The following RELN variants were observed in gnomAD, a reference collection of about 807,000 sequenced individuals.
The protein encoded by RELN is reelin.
Under a neutral mutation model 427.6 loss-of-function variants are expected in RELN, and 108 were observed. The observed-to-expected ratio is 0.25, with a 90% CI of 0.22 to 0.30. RELN has a LOEUF of 0.30. Among genes scored for constraint, RELN ranks in the 10% least tolerant of loss-of-function variants. The pLI, the probability that RELN is intolerant of heterozygous loss-of-function variation, is 1.00. For synonymous variants in RELN, 1,524 were observed against 1,513.4 expected (o/e 1.01, Z -0.16); for missense variants, 3,715 against 4,302.8 (o/e 0.86, Z 3.82).
At chr7:103,495,978 G>GAGGAA in intron 56 of RELN, 80 bp from the exon 57 acceptor site, 40 of 1,422,198 alleles carry the variant, frequency 2.8e-5, no homozygotes, top group Non-Finnish European at 3.8e-5. Flanking sequence ...TTATTCTCTT[G>GAGGAA]AACTGACCGA....
chr7:103,633,155 A>G (rs985305322), intron 19 of RELN, among the ~76,000 whole-genome samples: 11 of 152,118 alleles, frequency 7.2e-5, no homozygotes, highest in Admixed American at 7.2e-4. Context: ...AAAATAGTTG[A>G]GGAATAATAG....
At chr7:103,732,396 G>C (rs1790376229) in intron 6 of RELN, among the ~76,000 whole-genome samples, 1 of 151,996 alleles carries the variant, frequency 6.6e-6, no homozygotes, top group Non-Finnish European at 1.5e-5. Flanking sequence ...TCATTTCTAT[G>C]CATGTTCTTA....
intron 11 of RELN, among the ~76,000 whole-genome samples, chr7:103,679,018 CTAGA>C (rs1215409128): frequency 6.6e-6 from 1 of 152,154 alleles, no homozygotes; most frequent in Non-Finnish European, 1.5e-5. Flanking sequence ...AGCTCTTACC[CTAGA>C]TAAACATGCT....
chr7:103,730,862 C>T (rs1348856059), intron 6 of RELN, among the ~76,000 whole-genome samples: 3 of 152,164 alleles, frequency 2.0e-5, no homozygotes, highest in Non-Finnish European at 1.5e-5. Context: ...CAAATCCAAC[C>T]CTCTCTTAGA....
At position 103,849,164 on chromosome 7, in the gene RELN, T is replaced by C. The variant is rs556898737; in HGVS notation, c.338-15492A>G. ...AATGAACATTAATTAGTTTGCATAA[T>C]ATTTGTAATCTCAGTCAAAGCAATG... On this transcript the variant is annotated intron_variant, in intron 2 of 64. Transcript: ENST00000428762. 3.9e-5 allele frequency among the ~76,000 whole-genome samples: 6 copies of C among 152,332 alleles called. No homozygotes were observed. The South Asian group carries it at 1.2e-3, about 32-fold the overall frequency.
At position 103,620,398 on chromosome 7, in the gene RELN, T is replaced by C. The variant is rs1832189955; in HGVS notation, c.2703-8595A>G. Among the ~76,000 whole-genome samples, 1 of 152,104 alleles carries C rather than the reference T, an allele frequency of 6.6e-6. No homozygotes were observed. Among genetic ancestry groups the C allele is most frequent in the Non-Finnish European group, 1.5e-5 (1 of 68,016 alleles). ...CGATCTCAGGCTATCCATAACTCCC[T>C]GACTCCTCTTTTTCTTATGTTGCAT... On this transcript the variant is annotated intron_variant, in intron 20 of 64. Transcript: ENST00000428762. This position sits in a 1 kb window ranked among gnomAD's most constrained non-coding sequence, Gnocchi z 4.1.
intron 11 of RELN, 66 bp downstream of exon 11, chr7:103,682,050 T>G: frequency 6.7e-7 from 1 of 1,495,562 alleles, no homozygotes; most frequent in Non-Finnish European, 9.3e-7. Flanking sequence ...AATATGCATT[T>G]AAAACACGTC....
At chr7:103,616,897 A>AT (rs1832093471) in intron 20 of RELN, among the ~76,000 whole-genome samples, 1 of 152,134 alleles carries the variant, frequency 6.6e-6, no homozygotes, top group Non-Finnish European at 1.5e-5. Context: ...TTGTCCAATT[A>AT]TTTTCTTGGG....
Position 103,603,354 on chromosome 7 carries a change from C to G in RELN, c.3283G>C (p.Glu1095Gln). Residue 1095 changes from glutamate to glutamine, a missense_variant, in exon 24 of 65, where the codon GAA (glutamate) becomes CAA (glutamine). By Grantham distance (29) the Glu-to-Gln change is conservative (BLOSUM62 2). Coordinates refer to ENST00000428762, the MANE Select transcript of RELN (RefSeq NM_005045.4). The surrounding 1 kb of genome is among the most constrained non-coding windows in gnomAD (Gnocchi z 4.3). ...GAAGAGATGACACCACACCCTTGTT[C>G]TGGTTTTACAATTTCTCCCCCAATA... ...EVIGGEIVKP[E>Q]QGCGVISSGS... The G allele has an allele frequency of 6.2e-7, 1 of 1,613,912 alleles. No homozygotes were observed. The highest frequency in any genetic ancestry group is 1.1e-5 in the South Asian group (1 of 91,080).
intron 1 of RELN, among the ~76,000 whole-genome samples, chr7:103,981,532 C>A (rs878971593): frequency 6.6e-6 from 1 of 152,188 alleles, no homozygotes; most frequent in Admixed American, 6.5e-5. Flanking sequence ...GGAATTATGA[C>A]TGACCTAAAA....
intron 53 of RELN, among the ~76,000 whole-genome samples, chr7:103,498,801 T>TAAC (rs1180327587): frequency 1.4e-5 from 2 of 145,372 alleles, no homozygotes; most frequent in East Asian, 2.0e-4. Flanking sequence ...CATATTATAG[T>TAAC]AACACTTCTA....
intron 31 of RELN, among the ~76,000 whole-genome samples, chr7:103,571,351 C>G (rs974414527): frequency 2.0e-5 from 3 of 152,320 alleles, no homozygotes; most frequent in East Asian, 3.9e-4. Context: ...TATATCATAT[C>G]TGTAGAGCTC....
intron 6 of RELN, among the ~76,000 whole-genome samples, chr7:103,741,875 G>A (rs546047867): frequency 6.6e-6 from 1 of 152,172 alleles, no homozygotes; most frequent in Non-Finnish European, 1.5e-5. Context: ...CGACGCAGAA[G>A]ATGGGTGATT....
chr7:103,922,821 G>A (rs1411004130), intron 1 of RELN, among the ~76,000 whole-genome samples: 1 of 151,994 alleles, frequency 6.6e-6, no homozygotes, highest in Non-Finnish European at 1.5e-5. Context: ...ATGCTCTATG[G>A]TCCATTAAAT....
At position 103,551,292 on chromosome 7, in the gene RELN, T is replaced by G. The variant is rs1830405923; in HGVS notation, c.6077A>C (p.Asn2026Thr). Reference protein sequence around the residue: ...NENTIIQFEINVGCSTDSSSA... With the variant: ...NENTIIQFEITVGCSTDSSSA... ...TGAGCTATCAGTCGAACAGCCAACG[T>G]TGATCTTGGGGATGAAGAAAAAAAT... The change falls in exon 41 of 65, where the codon AAC (asparagine) becomes ACC (threonine). Residue 2026 changes from asparagine (N) to threonine (T), a missense_variant. By Grantham distance (65) the Asn-to-Thr change is moderately conservative. Around this residue, in one of 4 missense-constraint regions of RELN, gnomAD observed 1,310 missense variants for 1,643.0 expected, o/e 0.80. Coordinates refer to ENST00000428762, the MANE Select transcript of RELN (RefSeq NM_005045.4). 6.2e-7 allele frequency: 1 copy of G among 1,612,508 alleles called. No individual in the cohort carries two copies. The highest frequency in any genetic ancestry group is 8.5e-7 in the Non-Finnish European group (1 of 1,179,178).
chr7:103,758,511 G>C (rs1371236956), intron 4 of RELN, among the ~76,000 whole-genome samples: 1 of 151,620 alleles, frequency 6.6e-6, no homozygotes, highest in Non-Finnish European at 1.5e-5. Flanking sequence ...AGCCTACTTT[G>C]ACTTGTTTTT....
At chr7:103,951,548 G>A (rs1796331132) in intron 1 of RELN, among the ~76,000 whole-genome samples, 1 of 152,074 alleles carries the variant, frequency 6.6e-6, no homozygotes, top group Non-Finnish European at 1.5e-5. Flanking sequence ...TTTCACCCTA[G>A]TTTGCCACCC....
intron 1 of RELN, among the ~76,000 whole-genome samples, chr7:103,955,928 T>C (rs942142620): frequency 2.0e-5 from 3 of 152,204 alleles, no homozygotes; most frequent in Admixed American, 2.0e-4. Flanking sequence ...ATGTATCAGA[T>C]CGGGATAGCC....
chr7:103,822,252 T>C (rs1436522377), intron 3 of RELN, among the ~76,000 whole-genome samples: 1 of 152,024 alleles, frequency 6.6e-6, no homozygotes, highest in Non-Finnish European at 1.5e-5. Flanking sequence ...AAATTTTTTA[T>C]TAGTCTAAAT....
Sources: allele counts gnomAD v4.1 joint callset (sites outside exome capture counted in the v4.1 genomes callset), GRCh38; gene constraint gnomAD v4.1.1; regional missense constraint gnomAD v4.1.1; non-coding constraint Gnocchi (gnomAD v3.1); transcripts MANE v1.5; gene names NCBI Gene and HGNC (gene_info 2026-07-23, HGNC 2026-07-21).